BOC: variants seen among roughly 807,000 people sequenced by gnomAD.
BOC encodes BOC cell adhesion associated, oncogene regulated, also known as brother of CDO.
BOC carries 76 observed loss-of-function variants against 112.0 expected under a neutral mutation model. The ratio of observed to expected loss-of-function variants is 0.68; its 90% CI spans 0.56 to 0.82. The LOEUF is 0.82. BOC is among the 40% of genes least tolerant of loss of function. BOC has a pLI of 0.00. For synonymous variants in BOC, 580 were observed against 599.8 expected (o/e 0.97, Z 0.48); for missense variants, 1,309 against 1,511.7 (o/e 0.87, Z 2.22).
At chr3:113,231,375 TATTC>T (rs900165304) in intron 2 of BOC, among the ~76,000 whole-genome samples, 2 of 152,218 alleles carry the variant, frequency 1.3e-5, no homozygotes, top group African/African-American at 4.8e-5. Context: ...ACACACCACA[TATTC>T]ATAAGTAACT....
At chr3:113,251,166 G>A in intron 4 of BOC, 1 of 552,572 alleles carries the variant, frequency 1.8e-6, no homozygotes, top group Non-Finnish European at 3.2e-6. Context: ...TGGTCATCCT[G>A]TGGCTGTAGG....
intron 4 of BOC, 130 bp from the exon 5 acceptor site, chr3:113,268,169 G>A (rs762552508): frequency 8.6e-6 from 12 of 1,399,554 alleles, no homozygotes; most frequent in South Asian, 2.8e-5. Context: ...GGAAGAACTC[G>A]GAGGATCCCC....
At chr3:113,244,259 G>T (rs1047538086) in intron 2 of BOC, among the ~76,000 whole-genome samples, 2 of 152,056 alleles carry the variant, frequency 1.3e-5, no homozygotes, top group Admixed American at 6.6e-5. Flanking sequence ...ACAGTACCTT[G>T]CATATTGTGT....
intron 2 of BOC, among the ~76,000 whole-genome samples, chr3:113,233,725 A>G (rs1254531182): frequency 1.3e-5 from 2 of 152,130 alleles, no homozygotes; most frequent in African/African-American, 4.8e-5. Context: ...TGGAATGGGT[A>G]CTTGAGACCT....
rs1948309689 is a variant in BOC, at chr3:113,273,082, C to T, written c.975C>T (p.Val325=). Residue 325 remains valine, a synonymous_variant, in exon 8 of 20, where the codon GTC becomes GTT. Coordinates refer to ENST00000682979, the MANE Select transcript of BOC (RefSeq NM_001378074.1). ...YNVQVFEPPE[V]TMELSQLVIP... is the part of the protein sequence containing the mutation. Reference sequence around the variant, plus strand: ...GTTTCCTGGCAGAACCCCCTGAGGTCACCATGGAGCTATCCCAGCTGGTCA... The same window carrying T: ...GTTTCCTGGCAGAACCCCCTGAGGTTACCATGGAGCTATCCCAGCTGGTCA... 1 of 1,600,298 alleles carries T rather than the reference C, an allele frequency of 6.2e-7. No homozygotes were observed.
chr3:113,252,787 G>C (rs755087871), intron 4 of BOC, among the ~76,000 whole-genome samples: 1 of 152,184 alleles, frequency 6.6e-6, no homozygotes, highest in Admixed American at 6.5e-5. Flanking sequence ...GTGGCAGAAG[G>C]GTCACCCATG....
chr3:113,226,105 A>C (rs1421184654), intron 2 of BOC, among the ~76,000 whole-genome samples: 1 of 152,236 alleles, frequency 6.6e-6, no homozygotes, highest in African/African-American at 2.4e-5. Context: ...TGATCTGAAA[A>C]AGCATTTTGT....
chr3:113,280,950 C>T (rs1949136030), intron 14 of BOC, 81 bp from the exon 15 acceptor site: 3 of 1,565,608 alleles, frequency 1.9e-6, no homozygotes, highest in Admixed American at 1.7e-5. Flanking sequence ...CACACTGCCC[C>T]AGCTGAGTCT....
Position 113,284,482 on chromosome 3 carries a change from T to C in BOC, c.2804T>C (p.Ile935Thr). ...GISGRACANG[I>T]HMNRGCPSAA... ...AGTGGACGGGCCTGTGCTAATGGGATCCACATGAATAGGGGCTGCCCCTCG... is the reference window on the plus strand; with the variant it reads ...AGTGGACGGGCCTGTGCTAATGGGACCCACATGAATAGGGGCTGCCCCTCG... Residue 935 changes from isoleucine (I) to threonine (T), a missense_variant, in exon 17 of 20, where the codon ATC becomes ACC. Physicochemically the swap from Ile to Thr is moderately conservative, Grantham distance 89. Transcript: ENST00000682979. The C allele has an allele frequency of 1.2e-6, 2 of 1,614,208 alleles. No homozygotes were observed. The highest frequency in any genetic ancestry group is 3.3e-5 in the Admixed American group (2 of 60,032).
At chr3:113,255,829 G>T (rs1293055007) in intron 4 of BOC, among the ~76,000 whole-genome samples, 4 of 152,154 alleles carry the variant, frequency 2.6e-5, no homozygotes, top group African/African-American at 9.7e-5. Flanking sequence ...GTGACCAGGG[G>T]CCCTTTGTTA....
chr3:113,260,840 C>T (rs535549077), intron 4 of BOC, among the ~76,000 whole-genome samples: 80 of 151,160 alleles, frequency 5.3e-4, no homozygotes, highest in African/African-American at 1.9e-3. Context: ...GGAGGTTGTG[C>T]GCCCCTTATG....
chr3:113,286,704 G>T lies in BOC; in HGVS notation c.3190G>T (p.Val1064Phe). Residue 1064 changes from valine (V) to phenylalanine (F), a missense_variant, in exon 20 of 20, where the codon GTT becomes TTT. Coordinates refer to ENST00000682979, the MANE Select transcript of BOC (RefSeq NM_001378074.1). Reference sequence around the variant, plus strand: ...CCCATGCTGCTTGGGCCTTGTGCCAGTTGAAGAGGTGGACAGTCCTGACTC... The same window carrying T: ...CCCATGCTGCTTGGGCCTTGTGCCATTTGAAGAGGTGGACAGTCCTGACTC... ...GPPCCLGLVP[V>F]EEVDSPDSCQ... 6.2e-7 allele frequency: 1 copy of T among 1,604,432 alleles called. No homozygotes were observed.
intron 4 of BOC, among the ~76,000 whole-genome samples, chr3:113,253,076 A>G (rs1945829926): frequency 6.6e-6 from 1 of 152,166 alleles, no homozygotes. Flanking sequence ...ATATAAAATA[A>G]TCTCTCATAA....
In BOC at chr3:113,255,533, C is replaced by G. The variant is rs892052260; in HGVS notation, c.376+4700C>G. Among the ~76,000 whole-genome samples the G allele has an allele frequency of 4.6e-5, 7 of 152,220 alleles. No homozygotes were observed. The South Asian group carries it at 1.0e-3, about 23-fold the overall frequency. On this transcript the variant is annotated intron_variant, in intron 4 of 19. Coordinates refer to ENST00000682979, the MANE Select transcript of BOC (RefSeq NM_001378074.1). The stretch of plus-strand genomic sequence containing the variant: ...ATTCTCCCATCATCCCTAGGTCCCA[C>G]TGGTAGCTGGAAATAAAACAGGTGG...
intron 5 of BOC, 119 bp from the exon 6 acceptor site, chr3:113,270,682 C>G: frequency 1.7e-6 from 2 of 1,186,916 alleles, no homozygotes; most frequent in South Asian, 3.0e-5. Flanking sequence ...AGGTGGACAT[C>G]AGCTCCTAGT....
At chr3:113,215,508 C>T (rs114269541) in intron 1 of BOC, among the ~76,000 whole-genome samples, 201 of 152,334 alleles carry the variant, frequency 1.3e-3, no homozygotes, top group Non-Finnish European at 2.1e-3. Context: ...TTTGCCTGCT[C>T]TTTCCTGCCC....
At position 113,251,061 on chromosome 3, in the gene BOC, C is replaced by T; in HGVS notation, c.376+228C>T. 3 of 620,094 alleles carry T rather than the reference C, an allele frequency of 4.8e-6. No individual in the cohort carries two copies. In the South Asian group the frequency reaches 5.8e-5, roughly 12 times the overall value. The allele number at this position is 620,094 out of a possible 1,614,324, so 38.4% of individuals were successfully genotyped here. On this transcript the variant is annotated intron_variant, in intron 4 of 19. Coordinates refer to ENST00000682979, the MANE Select transcript of BOC (RefSeq NM_001378074.1). ...TAGAGGCTGTATCTGGAGTGAGTGT[C>T]TACAGAGAGGGGAATTGGTCAGTGC...
Position 113,250,718 on chromosome 3 carries a change from C to T in BOC, c.261C>T (p.Thr87=). The part of the protein sequence containing the change: ...GSDDALGVLI[T]HGTLVITALN... ...ATGATGCTCTGGGTGTCCTCATCAC[C>T]CACGGGACCCTCGTCATCACTGCCC... Residue 87 remains threonine, a synonymous_variant, in exon 4 of 20, where the codon ACC becomes ACT. Coordinates refer to ENST00000682979, the MANE Select transcript of BOC (RefSeq NM_001378074.1). 2 of 1,614,130 alleles carry T rather than the reference C, an allele frequency of 1.2e-6. No individual in the cohort carries two copies. Among genetic ancestry groups the T allele is most frequent in the Non-Finnish European group, 1.7e-6 (2 of 1,180,018 alleles).
At chr3:113,254,617 C>T (rs1381461943) in intron 4 of BOC, among the ~76,000 whole-genome samples, 4 of 152,216 alleles carry the variant, frequency 2.6e-5, no homozygotes, top group Non-Finnish European at 4.4e-5. Flanking sequence ...GACTGGGCAG[C>T]GGCGTGCCGG....
Sources: allele counts gnomAD v4.1 joint callset (sites outside exome capture counted in the v4.1 genomes callset), GRCh38; gene constraint gnomAD v4.1.1; transcripts MANE v1.5; gene names NCBI Gene and HGNC (gene_info 2026-07-23, HGNC 2026-07-21).